Variants in PPFIA1 observed in about 807,000 individuals in gnomAD.
The protein encoded by PPFIA1 is PPFI scaffold protein A1, also known as liprin-alpha-1.
A neutral mutation model predicts 149.9 loss-of-function variants in PPFIA1; 25 were observed. That is an observed-to-expected ratio of 0.17 (90% CI 0.12 to 0.23). The LOEUF (loss-of-function observed/expected upper bound fraction) is 0.23. Among genes scored for constraint, PPFIA1 ranks in the 10% least tolerant of loss-of-function variants. The pLI is 1.00. For synonymous variants in PPFIA1, 549 were observed against 552.8 expected (o/e 0.99, Z 0.10); for missense variants, 1,362 against 1,506.5 (o/e 0.90, Z 1.59).
intron 24 of PPFIA1, among the ~76,000 whole-genome samples, chr11:70,376,109 C>G (rs2057479035): frequency 1.3e-5 from 2 of 152,134 alleles, no homozygotes. Flanking sequence ...CTGCCTCATC[C>G]TCCCAAGTAG....
chr11:70,367,536 A>C (rs550938817), intron 21 of PPFIA1: 11 of 456,130 alleles, frequency 2.4e-5, no homozygotes, highest in African/African-American at 1.8e-4. Context: ...AACACTGTGC[A>C]GTGGGTGTCT....
chr11:70,370,587 A>G (rs528879027), intron 21 of PPFIA1, among the ~76,000 whole-genome samples: 1 of 151,914 alleles, frequency 6.6e-6, no homozygotes, highest in African/African-American at 2.4e-5. Flanking sequence ...GGATTTCACT[A>G]TGTTGGCGAG....
intron 6 of PPFIA1, 64 bp downstream of exon 6, chr11:70,326,427 A>T: frequency 1.4e-6 from 2 of 1,453,566 alleles, no homozygotes; most frequent in Non-Finnish European, 1.9e-6. Context: ...GTGTCGGGTT[A>T]TGTGGAAAAC....
intron 2 of PPFIA1, among the ~76,000 whole-genome samples, chr11:70,295,590 G>A (rs1251425962): frequency 2.8e-5 from 4 of 142,952 alleles, no homozygotes; most frequent in East Asian, 2.1e-4. Flanking sequence ...CGGATGGAGC[G>A]GCTGGCTGGG....
intron 2 of PPFIA1, among the ~76,000 whole-genome samples, chr11:70,291,591 A>G (rs2051526622): frequency 6.6e-6 from 1 of 152,208 alleles, no homozygotes; most frequent in East Asian, 1.9e-4. Flanking sequence ...GGCACTTTAC[A>G]AACAGGAATT....
intron 2 of PPFIA1, among the ~76,000 whole-genome samples, chr11:70,306,700 G>C (rs908454673): frequency 2.0e-5 from 3 of 152,180 alleles, no homozygotes; most frequent in Non-Finnish European, 4.4e-5. Flanking sequence ...CAAAAGAAGA[G>C]GTGACTCTGC....
Position 70,348,862 on chromosome 11 carries a change from C to T in PPFIA1, c.2163+442C>T, listed in dbSNP as rs375946581. On this transcript the variant is annotated intron_variant, in intron 16 of 27. Coordinates refer to ENST00000253925, the MANE Select transcript of PPFIA1 (RefSeq NM_003626.5). ...CTCCAGCCTGGGCAGCAGAGTGAGA[C>T]CCTGTCTCAAAACAAATCCCAAAAA... is the stretch of plus-strand genomic sequence containing the variant. Among the ~76,000 whole-genome samples, 3 of 151,994 alleles carry T rather than the reference C, an allele frequency of 2.0e-5. No homozygotes were observed. The East Asian group carries it at 5.8e-4, about 29-fold the overall frequency.
chr11:70,279,007 C>T (rs1356378357), intron 2 of PPFIA1: 12 of 544,444 alleles, frequency 2.2e-5, no homozygotes, highest in Non-Finnish European at 3.5e-5. Context: ...AAGAGAGAGC[C>T]CAATTCTTTA....
At chr11:70,324,313 G>A (rs1327623935) in intron 2 of PPFIA1, 89 bp from the exon 3 acceptor site, 28 of 886,710 alleles carry the variant, frequency 3.2e-5, no homozygotes, top group Non-Finnish European at 4.7e-5. Context: ...TAATGAGGTT[G>A]CCTTTGTGTG....
At chr11:70,281,634 G>T (rs1315543818) in intron 2 of PPFIA1, among the ~76,000 whole-genome samples, 2 of 152,156 alleles carry the variant, frequency 1.3e-5, no homozygotes, top group Non-Finnish European at 2.9e-5. Flanking sequence ...GGGCTTTCTA[G>T]AGCTCTGTAG....
Position 70,288,492 on chromosome 11 carries a change from A to C in PPFIA1, c.264+16056A>C, listed in dbSNP as rs372171935. Among the ~76,000 whole-genome samples the C allele has an allele frequency of 3.3e-5, 5 of 152,238 alleles. No homozygotes were observed. The East Asian group carries it at 5.8e-4, about 18-fold the overall frequency. Reference sequence around the variant, plus strand: ...ACCTCTCCTTTGACTCTTTCTCTGCAATTACTTGTTCCTGGGAGACCGTCA... The same window carrying C: ...ACCTCTCCTTTGACTCTTTCTCTGCCATTACTTGTTCCTGGGAGACCGTCA... On this transcript the variant is annotated intron_variant, in intron 2 of 27. Coordinates refer to ENST00000253925, the MANE Select transcript of PPFIA1 (RefSeq NM_003626.5).
intron 2 of PPFIA1, among the ~76,000 whole-genome samples, chr11:70,285,202 G>T (rs905756647): frequency 2.0e-5 from 3 of 151,628 alleles, no homozygotes; most frequent in Admixed American, 6.6e-5. Context: ...GTTTCACCAC[G>T]TTGCCCAGGC....
chr11:70,330,286 T>C lies in PPFIA1; in HGVS notation c.1044T>C (p.Asn348=), dbSNP rs1387301071. The change falls in exon 8 of 28, where the codon AAT becomes AAC. Residue 348 remains asparagine (N), a synonymous_variant. Transcript: ENST00000253925. ...SVHDLNDKLE[N]EIANKDSMHR... is the part of the protein sequence containing the mutation. ...ATGACCTCAATGATAAACTTGAAAATGAAATTGCAAATAAAGATTCTATGC... is the reference window on the plus strand; with the variant it reads ...ATGACCTCAATGATAAACTTGAAAACGAAATTGCAAATAAAGATTCTATGC... 1.3e-6 allele frequency: 2 copies of C among 1,582,058 alleles called. No homozygotes were observed. The highest frequency in any genetic ancestry group is 1.4e-5 in the African/African-American group (1 of 73,130).
chr11:70,275,479 T>C (rs990308144), intron 2 of PPFIA1, among the ~76,000 whole-genome samples: 1 of 152,226 alleles, frequency 6.6e-6, no homozygotes, highest in East Asian at 1.9e-4. Context: ...TTAATGCTCT[T>C]TGTGTCCTGT....
chr11:70,270,990 C>G (rs2050035041), intron 1 of PPFIA1, 76 bp downstream of exon 1: 1 of 151,800 alleles, frequency 6.6e-6, no homozygotes, highest in Non-Finnish European at 1.5e-5. Flanking sequence ...GGCGGCCACG[C>G]AGCCGATTAG....
intron 25 of PPFIA1, among the ~76,000 whole-genome samples, chr11:70,377,549 A>C (rs1197999501): frequency 1.3e-5 from 2 of 152,184 alleles, no homozygotes; most frequent in Non-Finnish European, 2.9e-5. Context: ...CTGTAGTTCC[A>C]GCTACTTAGG....
At chr11:70,344,617 T>C (rs2055571192) in intron 15 of PPFIA1, among the ~76,000 whole-genome samples, 1 of 152,226 alleles carries the variant, frequency 6.6e-6, no homozygotes, top group Non-Finnish European at 1.5e-5. Flanking sequence ...TTTACCTTCT[T>C]ACTTTGGTCT....
chr11:70,350,282 A>G (rs979925644), intron 16 of PPFIA1, among the ~76,000 whole-genome samples: 27 of 152,238 alleles, frequency 1.8e-4, no homozygotes, highest in African/African-American at 6.5e-4. Flanking sequence ...TAAGCGTAGA[A>G]TTAATGGAAG....
intron 7 of PPFIA1, chr11:70,327,023 C>G: frequency 1.8e-6 from 1 of 546,576 alleles, no homozygotes; most frequent in South Asian, 2.1e-5. Context: ...TCTCCTGTCC[C>G]TGAGCTCTTC....
Sources: allele counts gnomAD v4.1 joint callset (sites outside exome capture counted in the v4.1 genomes callset), GRCh38; gene constraint gnomAD v4.1.1; transcripts MANE v1.5; gene names NCBI Gene and HGNC (gene_info 2026-07-23, HGNC 2026-07-21).